The following PDCD1LG2 variants were observed in gnomAD, a reference collection of about 807,000 sequenced individuals.
PDCD1LG2 encodes the protein B7 dendritic cell molecule.
Under a neutral mutation model 28.2 loss-of-function variants are expected in PDCD1LG2, and 32 were observed. The observed-to-expected ratio is 1.13, with a 90% CI of 0.86 to 1.52. PDCD1LG2 has a LOEUF of 1.52. PDCD1LG2 is among the 40% of genes most tolerant of loss of function. PDCD1LG2 has a pLI of 0.00. For synonymous variants in PDCD1LG2, 116 were observed against 120.2 expected, an observed-to-expected ratio of 0.97 and a Z score of 0.23; for missense variants, 385 against 323.8, an observed-to-expected ratio of 1.19 and a Z score of -1.45.
chr9:5,549,713 G>A lies in PDCD1LG2; in HGVS notation c.631+109G>A, dbSNP rs564533207. On this transcript the variant is annotated intron_variant, in intron 4 of 6. Transcript: ENST00000397747. ...TGTAATAAAGGGACTGTTTACAAAG[G>A]TGTGATCACCATTTGGAGAAACTAC... 33 of 1,333,856 alleles carry A rather than the reference G, an allele frequency of 2.5e-5. No homozygotes were observed. In the East Asian group the frequency reaches 6.9e-4, roughly 28 times the overall value. The allele number at this position is 1,333,856 out of a possible 1,614,324, so 82.6% of individuals were successfully genotyped here. A position where few individuals can be genotyped will look rare whatever the true frequency, so the allele number is the denominator to read the frequency against.
chr9:5,529,935 G>A (rs973601559), intron 2 of PDCD1LG2, among the ~76,000 whole-genome samples: 4 of 152,176 alleles, frequency 2.6e-5, no homozygotes, highest in African/African-American at 9.7e-5. Context: ...TCCTAAACCA[G>A]GAACTTCAGA....
At chr9:5,514,549 G>A (rs946106561) in intron 1 of PDCD1LG2, among the ~76,000 whole-genome samples, 1 of 152,114 alleles carries the variant, frequency 6.6e-6, no homozygotes, top group Non-Finnish European at 1.5e-5. Flanking sequence ...ACTTCCTAAT[G>A]CAATTGAGTA....
chr9:5,547,484 G>A (rs148617467), intron 3 of PDCD1LG2, among the ~76,000 whole-genome samples: 1 of 152,164 alleles, frequency 6.6e-6, no homozygotes, highest in Admixed American at 6.5e-5. Flanking sequence ...TTGTTCTTGT[G>A]TCTTCTAGTC....
intron 1 of PDCD1LG2, among the ~76,000 whole-genome samples, chr9:5,517,516 G>T (rs1450291294): frequency 6.6e-6 from 1 of 152,252 alleles, no homozygotes; most frequent in Non-Finnish European, 1.5e-5. Context: ...GGGGCCTCTT[G>T]TCTTGGCTGT....
chr9:5,512,112 A>G (rs1820071939), intron 1 of PDCD1LG2, among the ~76,000 whole-genome samples: 1 of 152,232 alleles, frequency 6.6e-6, no homozygotes. Flanking sequence ...TTGCTTTACA[A>G]TACATTGGAC....
At chr9:5,528,930 A>G (rs1042761124) in intron 2 of PDCD1LG2, among the ~76,000 whole-genome samples, 7 of 152,078 alleles carry the variant, frequency 4.6e-5, no homozygotes, top group South Asian at 4.2e-4. Flanking sequence ...GGGTTTCACT[A>G]TGTTGGCCAG....
chr9:5,536,044 G>A (rs1820574488), intron 3 of PDCD1LG2, among the ~76,000 whole-genome samples: 1 of 152,150 alleles, frequency 6.6e-6, no homozygotes, highest in Non-Finnish European at 1.5e-5. Context: ...CTTCTAGAGG[G>A]TTTGTGGGTT....
chr9:5,528,677 T>C (rs1176267610), intron 2 of PDCD1LG2, among the ~76,000 whole-genome samples: 1 of 152,190 alleles, frequency 6.6e-6, no homozygotes, highest in Non-Finnish European at 1.5e-5. Flanking sequence ...TTTGTAATTG[T>C]ATACTAAGGA....
chr9:5,551,227 C>T (rs1447574601), intron 4 of PDCD1LG2, among the ~76,000 whole-genome samples: 1 of 152,176 alleles, frequency 6.6e-6, no homozygotes, highest in Non-Finnish European at 1.5e-5. Flanking sequence ...GATATACTCT[C>T]AGACTAAAGG....
Position 5,570,094 on chromosome 9 carries a change from T to C in PDCD1LG2, c.*135T>C. The C allele has an allele frequency of 9.0e-7, 1 of 1,111,664 alleles. No homozygotes were observed. Among genetic ancestry groups the C allele is most frequent in the South Asian group, 1.3e-5 (1 of 77,658 alleles). The allele number at this position is 1,111,664 out of a possible 1,614,324, so 68.9% of individuals were successfully genotyped here. A position where few individuals can be genotyped will look rare whatever the true frequency, so the allele number is the denominator to read the frequency against. On this transcript the variant is annotated 3_prime_UTR_variant, in exon 7 of 7. Coordinates refer to ENST00000397747, the MANE Select transcript of PDCD1LG2 (RefSeq NM_025239.4). Reference sequence around the variant, plus strand: ...GCCTTTGGATGACCCAGCACTTTAATCTGAAACCTGCAACAAGACTAGCCA... The same window carrying C: ...GCCTTTGGATGACCCAGCACTTTAACCTGAAACCTGCAACAAGACTAGCCA...
chr9:5,537,776 GT>G (rs1266247777), intron 3 of PDCD1LG2, among the ~76,000 whole-genome samples: 2 of 152,110 alleles, frequency 1.3e-5, no homozygotes, highest in African/African-American at 4.8e-5. Context: ...TATACCTAAT[GT>G]TTAATGACAA....
intron 1 of PDCD1LG2, among the ~76,000 whole-genome samples, chr9:5,512,849 G>C (rs73641631): frequency 0.014 from 2,086 of 152,148 alleles, 47 homozygotes; most frequent in African/African-American, 0.048. Flanking sequence ...TGCCAGTCTG[G>C]TCTTAAAACC....
chr9:5,533,489 T>C (rs919856734), intron 2 of PDCD1LG2, among the ~76,000 whole-genome samples: 37 of 152,242 alleles, frequency 2.4e-4, no homozygotes, highest in African/African-American at 7.0e-4. Context: ...TATCAAATCC[T>C]ACCCAGATAC....
At chr9:5,540,063 T>A (rs1238804644) in intron 3 of PDCD1LG2, among the ~76,000 whole-genome samples, 2 of 151,602 alleles carry the variant, frequency 1.3e-5, no homozygotes, top group Non-Finnish European at 2.9e-5. Flanking sequence ...CACAGTGGAG[T>A]AAAACTGGAA....
chr9:5,544,322 A>G (rs1335439381), intron 3 of PDCD1LG2, among the ~76,000 whole-genome samples: 1 of 152,222 alleles, frequency 6.6e-6, no homozygotes, highest in Non-Finnish European at 1.5e-5. Flanking sequence ...GGCAGGGTTA[A>G]TGGAGCCCAG....
chr9:5,558,879 A>G (rs1223203031), intron 5 of PDCD1LG2, among the ~76,000 whole-genome samples: 1 of 152,180 alleles, frequency 6.6e-6, no homozygotes, highest in Non-Finnish European at 1.5e-5. Context: ...AGAAAAATAA[A>G]TGTGGGAGGG....
At chr9:5,532,318 G>A (rs748428672) in intron 2 of PDCD1LG2, among the ~76,000 whole-genome samples, 9 of 152,156 alleles carry the variant, frequency 5.9e-5, no homozygotes, top group Non-Finnish European at 1.2e-4. Flanking sequence ...GTTAAAACAG[G>A]GATAGAGGCA....
rs138077143 is a variant in PDCD1LG2, at chr9:5,539,507, G to A, written c.361+4457G>A. On this transcript the variant is annotated intron_variant, in intron 3 of 6. Transcript: ENST00000397747. The stretch of plus-strand genomic sequence containing the variant: ...ATAATGAAAAGAGTTAATTTCAAAA[G>A]GACAGAACAAATTATGAGGTGGAAT... Among the ~76,000 whole-genome samples, 325 of 152,278 alleles carry A rather than the reference G, an allele frequency of 2.1e-3. 1 individual carries two copies. The highest frequency in any genetic ancestry group is 7.4e-3 in the African/African-American group (308 of 41,538).
chr9:5,566,833 AT>A (rs1397209904), intron 6 of PDCD1LG2, among the ~76,000 whole-genome samples: 1 of 152,206 alleles, frequency 6.6e-6, no homozygotes, highest in Admixed American at 6.5e-5. Flanking sequence ...TAATAAAAAA[AT>A]AGAAAATTGC....
Sources: allele counts gnomAD v4.1 joint callset (sites outside exome capture counted in the v4.1 genomes callset), GRCh38; gene constraint gnomAD v4.1.1; transcripts MANE v1.5; gene names NCBI Gene and HGNC (gene_info 2026-07-23, HGNC 2026-07-21).